Variants in YWHAZ observed in about 807,000 individuals in gnomAD.
The protein encoded by YWHAZ is tyrosine 3-monooxygenase/tryptophan 5-monooxygenase activation protein zeta, also known as 14-3-3 protein zeta/delta.
For missense variants in YWHAZ, 79 were observed against 284.8 expected, an observed-to-expected ratio of 0.28 and a Z score of 5.20; for synonymous variants, 87 against 103.6, an observed-to-expected ratio of 0.84 and a Z score of 0.97.
chr8:100,951,284 G>C (rs959925934), intron 1 of YWHAZ: 11 of 984,652 alleles, frequency 1.1e-5, no homozygotes, highest in Admixed American at 6.2e-5. Context: ...CTCTCGGCCA[G>C]GCCTTTCCCT....
chr8:100,950,325 G>A (rs1298999413), intron 1 of YWHAZ: 1 of 962,648 alleles, frequency 1.0e-6, no homozygotes, highest in Non-Finnish European at 1.2e-6. Context: ...AAGTGGATAA[G>A]GTTTCTCACA....
At position 100,917,864 on chromosome 8, in the gene YWHAZ, T is replaced by C. The variant is rs894101723; in HGVS notation, c.*2829A>G. The stretch of plus-strand genomic sequence containing the variant: ...TCAAGGAATAGTTACAAACACATTA[T>C]TCAAATTCCAAAACAAAGAATCTCA... On this transcript the variant is annotated 3_prime_UTR_variant, in exon 6 of 6. Transcript: ENST00000395958. 2.6e-5 allele frequency: 4 copies of C among 152,224 alleles called. No homozygotes were observed. The highest frequency in any genetic ancestry group is 9.7e-5 in the African/African-American group (4 of 41,448). 9.4% of individuals were successfully genotyped at this position (152,224 alleles called of 1,614,324 possible).
intron 2 of YWHAZ, among the ~76,000 whole-genome samples, chr8:100,943,986 C>CAAAAAAAAAAAA (rs36113483): frequency 8.6e-6 from 1 of 116,500 alleles, no homozygotes; most frequent in Non-Finnish European, 1.7e-5. Context: ...GACTCCGTCT[C>CAAAAAAAAAAAA]AAAAAAAAAA....
At chr8:100,947,591 T>C (rs949376153) in intron 2 of YWHAZ, among the ~76,000 whole-genome samples, 1 of 152,190 alleles carries the variant, frequency 6.6e-6, no homozygotes, top group East Asian at 1.9e-4. Flanking sequence ...AAAGAAATGA[T>C]AGTATCATCA....
rs1296522420 is a variant in YWHAZ, at chr8:100,920,252, C to T, written c.*441G>A. 2 of 167,760 alleles carry T rather than the reference C, an allele frequency of 1.2e-5. No homozygotes were observed. The highest frequency in any genetic ancestry group is 4.8e-5 in the African/African-American group (2 of 41,598). The allele number at this position is 167,760 out of a possible 1,614,324, so 10.4% of individuals were successfully genotyped here. The stretch of plus-strand genomic sequence containing the variant: ...GTATCCATGGGGTATGATTCTACCA[C>T]AGCCTTGTAAGTGCTCCAAACCTTA... On this transcript the variant is annotated 3_prime_UTR_variant, in exon 6 of 6. Coordinates refer to ENST00000395958, the MANE Select transcript of YWHAZ (RefSeq NM_145690.3).
intron 2 of YWHAZ, among the ~76,000 whole-genome samples, chr8:100,933,434 C>A (rs1586115179): frequency 1.3e-5 from 2 of 151,740 alleles, no homozygotes; most frequent in East Asian, 1.9e-4. Context: ...TCCCAGTGGT[C>A]GGCATATCAC....
chr8:100,920,459 C>T lies in YWHAZ; in HGVS notation c.*234G>A. On this transcript the variant is annotated 3_prime_UTR_variant, in exon 6 of 6. Coordinates refer to ENST00000395958, the MANE Select transcript of YWHAZ (RefSeq NM_145690.3). ...AACACTTATAACTTGTATAAAAATTCCACATCCCCATATTGGCCACCTCAA... is the reference window on the plus strand; with the variant it reads ...AACACTTATAACTTGTATAAAAATTTCACATCCCCATATTGGCCACCTCAA... The T allele has an allele frequency of 1.8e-6, 1 of 540,982 alleles. No individual in the cohort carries two copies. Among genetic ancestry groups the T allele is most frequent in the Non-Finnish European group, 3.3e-6 (1 of 306,832 alleles). 33.5% of individuals were successfully genotyped at this position (540,982 alleles called of 1,614,324 possible).
intron 2 of YWHAZ, among the ~76,000 whole-genome samples, chr8:100,937,863 A>G (rs955513931): frequency 4.6e-5 from 7 of 152,206 alleles, no homozygotes; most frequent in Non-Finnish European, 8.8e-5. Flanking sequence ...GGGTGCAGTG[A>G]CTCATGCCGG....
chr8:100,929,150 T>C (rs930835519), intron 2 of YWHAZ, among the ~76,000 whole-genome samples: 1 of 152,048 alleles, frequency 6.6e-6, no homozygotes, highest in Non-Finnish European at 1.5e-5. Context: ...ATGCATACAA[T>C]ATATAATGAT....
At chr8:100,950,246 C>T (rs1243106282) in intron 1 of YWHAZ, among the ~76,000 whole-genome samples, 1 of 152,188 alleles carries the variant, frequency 6.6e-6, no homozygotes. Context: ...CTGGTTATTT[C>T]TGCTTCTAAC....
Position 100,916,850 on chromosome 8 carries a change from A to G in YWHAZ, c.*3843T>C, listed in dbSNP as rs989869214. 3 of 152,240 alleles carry G rather than the reference A, an allele frequency of 2.0e-5. No homozygotes were observed. Among genetic ancestry groups the G allele is most frequent in the African/African-American group, 7.2e-5 (3 of 41,460 alleles). 9.4% of individuals were successfully genotyped at this position (152,240 alleles called of 1,614,324 possible). On this transcript the variant is annotated 3_prime_UTR_variant, in exon 6 of 6. Transcript: ENST00000395958. ...AAAGGAACTAGAATCAATCAAGGAG[A>G]CTGTGACTACTACCAGTCACATAAA...
upstream of YWHAZ, chr8:100,953,021 G>C (rs1031276270): frequency 6.6e-5 from 66 of 1,000,058 alleles, no homozygotes; most frequent in Non-Finnish European, 7.7e-5. Context: ...TGGGGGCGAG[G>C]TGGGCCGGGC....
At chr8:100,939,916 G>A (rs1814502846) in intron 2 of YWHAZ, among the ~76,000 whole-genome samples, 1 of 151,884 alleles carries the variant, frequency 6.6e-6, no homozygotes, top group South Asian at 2.1e-4. Context: ...CCAGCTACTA[G>A]GGAGGCTGAG....
chr8:100,925,013 G>A lies in YWHAZ; in HGVS notation c.321C>T (p.Pro107=), dbSNP rs1415184167. 4 of 1,613,714 alleles carry A rather than the reference G, an allele frequency of 2.5e-6. No individual in the cohort carries two copies. The South Asian group carries it at 4.4e-5, about 18-fold the overall frequency. Residue 107 remains proline (P), a synonymous_variant, in exon 3 of 6, where the codon CCC becomes CCT. Coordinates refer to ENST00000395958, the MANE Select transcript of YWHAZ (RefSeq NM_145690.3). The stretch of plus-strand genomic sequence containing the variant: ...CTTTGCTCTCTGCTTGTGAAGCATT[G>A]GGGATCAAGAACTTTTCCAAAAGAG... The part of the protein sequence containing the change: ...VLSLLEKFLI[P]NASQAESKVF...
chr8:100,948,541 C>T lies in YWHAZ; in HGVS notation c.294+55G>A, dbSNP rs543219135. The stretch of plus-strand genomic sequence containing the variant: ...AAACAAAAAGTTAAGAGTAATGTAA[C>T]TGATACTCATAGGGACCCTACAGTA... On this transcript the variant is annotated intron_variant, in intron 2 of 5. Coordinates refer to ENST00000395958, the MANE Select transcript of YWHAZ (RefSeq NM_145690.3). The surrounding 1 kb of genome is among the most constrained non-coding windows in gnomAD (Gnocchi z 4.2). 2.0e-4 allele frequency: 306 copies of T among 1,537,422 alleles called. 1 individual carries two copies. The African/African-American group carries it at 3.2e-3, about 16-fold the overall frequency.
Position 100,948,950 on chromosome 8 carries a change from C to T in YWHAZ, c.-11-50G>A. The T allele has an allele frequency of 6.6e-7, 1 of 1,524,136 alleles. No individual in the cohort carries two copies. Among genetic ancestry groups the T allele is most frequent in the Non-Finnish European group, 8.7e-7 (1 of 1,145,864 alleles). The allele number at this position is 1,524,136 out of a possible 1,614,324, so 94.4% of individuals were successfully genotyped here. ...TTAAAATTTTTCCCATCAAAATAAA[C>T]AGACTCAAAATTATACCTGTGGTAA... On this transcript the variant is annotated intron_variant, in intron 1 of 5. Transcript: ENST00000395958. This position sits in a 1 kb window ranked among gnomAD's most constrained non-coding sequence, Gnocchi z 4.2.
chr8:100,936,062 TGAA>T (rs1464850670), intron 2 of YWHAZ, among the ~76,000 whole-genome samples: 4 of 152,196 alleles, frequency 2.6e-5, no homozygotes, highest in Non-Finnish European at 5.9e-5. Context: ...ACCTCAGTCC[TGAA>T]GAATAGCCAA....
Position 100,919,803 on chromosome 8 carries a change from C to CTAG in YWHAZ, c.*887_*889dup, listed in dbSNP as rs1362909318. 4.0e-5 allele frequency: 6 copies of CTAG among 151,604 alleles called. No individual in the cohort carries two copies. The highest frequency in any genetic ancestry group is 2.6e-4 in the Admixed American group (4 of 15,158). 9.4% of individuals were successfully genotyped at this position (151,604 alleles called of 1,614,324 possible). A position where few individuals can be genotyped will look rare whatever the true frequency, so the allele number is the denominator to read the frequency against. ...AAATTTCATAAGACATTAAACAAAG[C>CTAG]TAGCCATCATCTCAAGTTATTTCCC... On this transcript the variant is annotated 3_prime_UTR_variant, in exon 6 of 6. Coordinates refer to ENST00000395958, the MANE Select transcript of YWHAZ (RefSeq NM_145690.3).
intron 2 of YWHAZ, among the ~76,000 whole-genome samples, chr8:100,932,772 TC>T (rs2130201611): frequency 6.6e-6 from 1 of 152,302 alleles, no homozygotes; most frequent in South Asian, 2.1e-4. Context: ...CAAGTGTTTT[TC>T]TTAGAGACAA....
Sources: gnomAD v4.1 joint callset for allele counts (sites outside exome capture counted in the v4.1 genomes callset) on GRCh38, gnomAD v4.1.1 for gene constraint, Gnocchi (gnomAD v3.1) non-coding constraint, MANE v1.5 for transcripts, NCBI Gene and HGNC (gene_info 2026-07-23, HGNC 2026-07-21) for gene names.